Variants in HCRTR2 observed in about 807,000 individuals in gnomAD.
The protein encoded by HCRTR2 is orexin receptor type 2.
Under a neutral mutation model 49.0 loss-of-function variants are expected in HCRTR2, and 22 were observed. The observed-to-expected ratio is 0.45, with a 90% CI of 0.32 to 0.64. The LOEUF is 0.64. Ranked by LOEUF, HCRTR2 falls within the 30% of genes least tolerant of loss-of-function variation. The pLI is 0.04. For missense variants in HCRTR2, 491 were observed against 559.4 expected, an observed-to-expected ratio of 0.88 and a Z score of 1.23; for synonymous variants, 236 against 205.3, an observed-to-expected ratio of 1.15 and a Z score of -1.28.
chr6:55,143,903 T>C (rs148646471), intron 1 of HCRTR2, among the ~76,000 whole-genome samples: 86 of 152,328 alleles, frequency 5.6e-4, no homozygotes, highest in African/African-American at 1.9e-3. Context: ...TTAGTAATTA[T>C]CAGCTTTTGC....
chr6:55,226,128 CT>C (rs1765999074), intron 1 of HCRTR2, among the ~76,000 whole-genome samples: 1 of 152,178 alleles, frequency 6.6e-6, no homozygotes, highest in Non-Finnish European at 1.5e-5. Flanking sequence ...ACTCATGTAT[CT>C]TTAAAAGATG....
At chr6:55,281,539 C>T (rs1767190817) in intron 6 of HCRTR2, among the ~76,000 whole-genome samples, 1 of 152,154 alleles carries the variant, frequency 6.6e-6, no homozygotes, top group Non-Finnish European at 1.5e-5. Context: ...CTCATTTAAT[C>T]ACTGATAACT....
chr6:55,230,377 T>C (rs1216694912), intron 1 of HCRTR2, among the ~76,000 whole-genome samples: 1 of 152,156 alleles, frequency 6.6e-6, no homozygotes, highest in African/African-American at 2.4e-5. Context: ...TAGGACTTCA[T>C]TACTCAGAGC....
chr6:55,210,813 T>C (rs777859104), intron 1 of HCRTR2, among the ~76,000 whole-genome samples: 3 of 152,174 alleles, frequency 2.0e-5, no homozygotes, highest in Non-Finnish European at 4.4e-5. Flanking sequence ...AACGATTTTG[T>C]TGGGTACAAT....
At chr6:55,272,769 T>C (rs936466808) in intron 4 of HCRTR2, among the ~76,000 whole-genome samples, 13 of 151,658 alleles carry the variant, frequency 8.6e-5, no homozygotes, top group African/African-American at 2.9e-4. Context: ...GACTTTAAAA[T>C]GGTCCATAGA....
At chr6:55,132,087 A>T (rs1407840582) in intron 1 of HCRTR2, among the ~76,000 whole-genome samples, 1 of 150,830 alleles carries the variant, frequency 6.6e-6, no homozygotes, top group Admixed American at 6.6e-5. Flanking sequence ...ATATCCCTTT[A>T]ATTAATAAAA....
At chr6:55,238,697 A>G (rs1456763210) in intron 1 of HCRTR2, among the ~76,000 whole-genome samples, 1 of 152,198 alleles carries the variant, frequency 6.6e-6, no homozygotes, top group Non-Finnish European at 1.5e-5. Context: ...CAAGAACTAG[A>G]GGTATAACTT....
chr6:55,282,002 T>A (rs1446619290), intron 6 of HCRTR2, among the ~76,000 whole-genome samples: 1 of 152,146 alleles, frequency 6.6e-6, no homozygotes, highest in Admixed American at 6.6e-5. Flanking sequence ...CCAAGCCCCA[T>A]ATGTGAAAGG....
At chr6:55,267,413 T>TC (rs1384467811) in intron 4 of HCRTR2, among the ~76,000 whole-genome samples, 2 of 151,622 alleles carry the variant, frequency 1.3e-5, no homozygotes, top group East Asian at 3.9e-4. Flanking sequence ...TGTTTTTTTT[T>TC]TTTTTTTTGG....
At chr6:55,116,959 C>T (rs1461900544) in intron 1 of HCRTR2, among the ~76,000 whole-genome samples, 1 of 151,726 alleles carries the variant, frequency 6.6e-6, no homozygotes, top group Non-Finnish European at 1.5e-5. Context: ...TTAAATAAAA[C>T]ATCTGACAAA....
intron 1 of HCRTR2, among the ~76,000 whole-genome samples, chr6:55,167,059 G>T (rs1024428259): frequency 6.6e-6 from 1 of 152,052 alleles, no homozygotes; most frequent in African/African-American, 2.4e-5. Flanking sequence ...GAGGTTTCTG[G>T]AATTAGTAGT....
intron 5 of HCRTR2, among the ~76,000 whole-genome samples, chr6:55,278,754 T>TATTA (rs2127332801): frequency 6.9e-6 from 1 of 145,842 alleles, no homozygotes; most frequent in Admixed American, 7.2e-5. Context: ...TTATTATTAT[T>TATTA]ATTTTTGCTA....
intron 1 of HCRTR2, among the ~76,000 whole-genome samples, chr6:55,178,473 C>T (rs533528665): frequency 9.2e-5 from 14 of 152,100 alleles, no homozygotes; most frequent in Non-Finnish European, 1.6e-4. Flanking sequence ...ATATAATGTA[C>T]GTATACCCTC....
chr6:55,278,087 C>G (rs1272058652), intron 5 of HCRTR2, among the ~76,000 whole-genome samples: 1 of 152,054 alleles, frequency 6.6e-6, no homozygotes, highest in East Asian at 1.9e-4. Flanking sequence ...AAAAAGCCAT[C>G]AAGGCAGATA....
intron 1 of HCRTR2, among the ~76,000 whole-genome samples, chr6:55,157,258 A>T (rs9370393): frequency 0.023 from 3,485 of 152,324 alleles, 48 homozygotes; most frequent in African/African-American, 0.045. Flanking sequence ...AAATAACAAA[A>T]CAATTCCACT....
Position 55,266,518 on chromosome 6 carries a change from T to A in HCRTR2, c.762+2696T>A, listed in dbSNP as rs147204845. The stretch of plus-strand genomic sequence containing the variant: ...AAGGGGAAAAAGCAATTAATGAGCA[T>A]GTAGGAATAAAGATATTTTAGATTT... On this transcript the variant is annotated intron_variant, in intron 4 of 6. Transcript: ENST00000370862. Among the ~76,000 whole-genome samples, 1,502 of 152,272 alleles carry A rather than the reference T, an allele frequency of 9.9e-3. 12 individuals are homozygous for A. The highest frequency in any genetic ancestry group is 0.016 in the Non-Finnish European group (1,085 of 67,990).
intron 1 of HCRTR2, among the ~76,000 whole-genome samples, chr6:55,247,377 A>G (rs954039675): frequency 6.6e-6 from 1 of 152,130 alleles, no homozygotes; most frequent in Admixed American, 6.6e-5. Context: ...CAGCTTCAGG[A>G]ACTAGTAAGA....
At position 55,174,828 on chromosome 6, in the gene HCRTR2, C is replaced by A. The variant is rs373819879; in HGVS notation, c.223+18C>A. On this transcript the variant is annotated intron_variant, in intron 1 of 6. Coordinates refer to ENST00000370862, the MANE Select transcript of HCRTR2 (RefSeq NM_001384272.1). Reference sequence around the variant, plus strand: ...CGTCCTGGGTGAGTCTCCTCCCGGGCAGCCCTCCTAGGGGCTATCACCCCC... The same window carrying A: ...CGTCCTGGGTGAGTCTCCTCCCGGGAAGCCCTCCTAGGGGCTATCACCCCC... 8 of 1,603,284 alleles carry A rather than the reference C, an allele frequency of 5.0e-6. No homozygotes were observed. In the African/African-American group the frequency reaches 9.4e-5, roughly 19 times the overall value.
intron 1 of HCRTR2, among the ~76,000 whole-genome samples, chr6:55,145,389 C>A (rs565586082): frequency 1.9e-5 from 2 of 104,318 alleles, no homozygotes; most frequent in East Asian, 4.4e-4. Flanking sequence ...TCATAACATT[C>A]TTTGTTTTTT....
Sources: allele counts gnomAD v4.1 joint callset (sites outside exome capture counted in the v4.1 genomes callset), GRCh38; gene constraint gnomAD v4.1.1; transcripts MANE v1.5; gene names NCBI Gene and HGNC (gene_info 2026-07-23, HGNC 2026-07-21).